Variants in IGF1 observed in about 807,000 individuals in gnomAD.
IGF1 encodes insulin-like growth factor 1.
IGF1 carries 4 observed loss-of-function variants against 13.8 expected under a neutral mutation model. The ratio of observed to expected loss-of-function variants is 0.29; its 90% CI spans 0.14 to 0.66. The LOEUF (loss-of-function observed/expected upper bound fraction) is 0.66. IGF1 is among the 30% of genes least tolerant of loss of function. The pLI, the probability that IGF1 is intolerant of heterozygous loss-of-function variation, is 0.78. For synonymous variants in IGF1, 76 were observed against 72.6 expected, an observed-to-expected ratio of 1.05 and a Z score of -0.23; for missense variants, 124 against 188.5, an observed-to-expected ratio of 0.66 and a Z score of 2.00.
chr12:102,422,074 G>T (rs184189569), intron 2 of IGF1, among the ~76,000 whole-genome samples: 2 of 152,060 alleles, frequency 1.3e-5, no homozygotes, highest in African/African-American at 4.8e-5. Context: ...TTGCTTAAAT[G>T]AGCTCAGAAT....
At chr12:102,438,754 G>A (rs1877456786) in intron 2 of IGF1, among the ~76,000 whole-genome samples, 1 of 152,138 alleles carries the variant, frequency 6.6e-6, no homozygotes, top group Non-Finnish European at 1.5e-5. Context: ...GGGTCTGTCA[G>A]AAGAAAACAT....
intron 2 of IGF1, among the ~76,000 whole-genome samples, chr12:102,429,173 G>T (rs1565976712): frequency 6.6e-6 from 1 of 152,068 alleles, no homozygotes; most frequent in Non-Finnish European, 1.5e-5. Flanking sequence ...GGTTCATTTA[G>T]GGTGTGATAA....
At chr12:102,412,606 T>C (rs1407088497) in intron 3 of IGF1, among the ~76,000 whole-genome samples, 1 of 152,224 alleles carries the variant, frequency 6.6e-6, no homozygotes, top group African/African-American at 2.4e-5. Context: ...TTCTTAAAAC[T>C]ATAATCATAT....
chr12:102,459,897 G>A (rs983497547), intron 2 of IGF1, among the ~76,000 whole-genome samples: 2 of 152,132 alleles, frequency 1.3e-5, no homozygotes, highest in Non-Finnish European at 2.9e-5. Context: ...ATAGAACAAA[G>A]GCAATAGATA....
chr12:102,421,027 G>A (rs1875666135), intron 2 of IGF1, among the ~76,000 whole-genome samples: 1 of 152,206 alleles, frequency 6.6e-6, no homozygotes, highest in Admixed American at 6.5e-5. Context: ...CAGGCCCATG[G>A]TAATGGCCTG....
At chr12:102,481,429 T>C (rs1235202387), upstream of IGF1, among the ~76,000 whole-genome samples, 1 of 151,870 alleles carries the variant, frequency 6.6e-6, no homozygotes, top group Non-Finnish European at 1.5e-5. Flanking sequence ...GTTTTCTTTC[T>C]CTGATTTTTG....
chr12:102,478,709 G>T, intron 1 of IGF1: 1 of 1,253,282 alleles, frequency 8.0e-7, no homozygotes, highest in Non-Finnish European at 1.0e-6. Context: ...AAATTGCACA[G>T]CTGGGATTTA....
At chr12:102,448,702 A>T (rs398044922) in intron 2 of IGF1, among the ~76,000 whole-genome samples, 12,793 of 149,726 alleles carry the variant, frequency 0.085, 730 homozygotes, top group Non-Finnish European at 0.13. Context: ...AAAAAAAAAA[A>T]AAAAAAAAAA....
intron 2 of IGF1, among the ~76,000 whole-genome samples, chr12:102,430,360 A>G (rs1294069643): frequency 2.6e-5 from 4 of 152,158 alleles, no homozygotes; most frequent in Non-Finnish European, 5.9e-5. Context: ...CCTGCTGGGT[A>G]TGGTCTTTGT....
chr12:102,459,329 A>T (rs1163197908), intron 2 of IGF1, among the ~76,000 whole-genome samples: 2 of 152,306 alleles, frequency 1.3e-5, no homozygotes, highest in East Asian at 3.9e-4. Flanking sequence ...GGATAAAGTG[A>T]TAAGAATTGC....
intron 2 of IGF1, among the ~76,000 whole-genome samples, chr12:102,464,759 C>T (rs537090553): frequency 1.3e-5 from 2 of 152,232 alleles, no homozygotes; most frequent in Non-Finnish European, 2.9e-5. Context: ...TTTAATTCCC[C>T]TAAGTCAGGC....
intron 2 of IGF1, among the ~76,000 whole-genome samples, chr12:102,425,741 CT>C (rs1416580933): frequency 1.3e-5 from 2 of 152,188 alleles, no homozygotes; most frequent in Non-Finnish European, 2.9e-5. Context: ...TGTTTTAGGA[CT>C]CTTTGGAGAA....
chr12:102,442,547 C>A (rs1273723510), intron 2 of IGF1, among the ~76,000 whole-genome samples: 1 of 152,094 alleles, frequency 6.6e-6, no homozygotes, highest in East Asian at 1.9e-4. Context: ...ACTACCTCAA[C>A]CCCTATGATT....
chr12:102,468,331 A>T (rs1880465532), intron 2 of IGF1, among the ~76,000 whole-genome samples: 1 of 152,246 alleles, frequency 6.6e-6, no homozygotes, highest in Admixed American at 6.5e-5. Flanking sequence ...AGAGGGCCAC[A>T]TGCAAAGGTT....
At chr12:102,405,808 G>C (rs1874103140) in intron 3 of IGF1, among the ~76,000 whole-genome samples, 1 of 152,160 alleles carries the variant, frequency 6.6e-6, no homozygotes, top group African/African-American at 2.4e-5. Context: ...ATTTCTACAA[G>C]AAAACATTAA....
At chr12:102,427,733 G>T (rs1876335228) in intron 2 of IGF1, among the ~76,000 whole-genome samples, 1 of 152,176 alleles carries the variant, frequency 6.6e-6, no homozygotes, top group African/African-American at 2.4e-5. Context: ...GGAGTAAACT[G>T]TTGGAAGACA....
chr12:102,440,603 A>C (rs1877632925), intron 2 of IGF1, among the ~76,000 whole-genome samples: 1 of 152,176 alleles, frequency 6.6e-6, no homozygotes, highest in Non-Finnish European at 1.5e-5. Flanking sequence ...TAGAAGGAAC[A>C]TTTTAAATGT....
chr12:102,442,738 A>G (rs1362688369), intron 2 of IGF1, among the ~76,000 whole-genome samples: 1 of 152,176 alleles, frequency 6.6e-6, no homozygotes, highest in African/African-American at 2.4e-5. Flanking sequence ...GCTAATGGAT[A>G]GAGTATAAAA....
upstream of IGF1, among the ~76,000 whole-genome samples, chr12:102,481,194 C>G (rs773545171): frequency 4.6e-5 from 7 of 152,098 alleles, no homozygotes; most frequent in South Asian, 2.1e-4. Flanking sequence ...AAGACTATGC[C>G]GAGCTGTAAA....
Sources: allele counts gnomAD v4.1 joint callset (sites outside exome capture counted in the v4.1 genomes callset), GRCh38; gene constraint gnomAD v4.1.1; transcripts MANE v1.5; gene names NCBI Gene and HGNC (gene_info 2026-07-23, HGNC 2026-07-21).